CEP128: variants seen among roughly 807,000 people sequenced by gnomAD.
CEP128 encodes centrosomal protein 128, also known as centrosomal protein 128kDa.
CEP128 carries 132 observed loss-of-function variants against 156.7 expected under a neutral mutation model. The observed-to-expected ratio is 0.84, with a 90% CI of 0.73 to 0.97. The LOEUF is 0.97. Among genes scored for constraint, CEP128 ranks in the 50% least tolerant of loss-of-function variants. CEP128 has a pLI of 0.00. For missense variants in CEP128, 1,252 were observed against 1,281.9 expected (o/e 0.98, Z 0.36); for synonymous variants, 469 against 448.9 (o/e 1.04, Z -0.57).
intron 8 of CEP128, among the ~76,000 whole-genome samples, chr14:80,863,268 G>C (rs987958255): frequency 1.3e-5 from 2 of 152,114 alleles, no homozygotes; most frequent in African/African-American, 4.8e-5. Flanking sequence ...GACCTAATTA[G>C]TCCTTTTCTA....
In CEP128 at chr14:80,919,726, AT is replaced by A. The variant is rs1475708728; in HGVS notation, c.-15-3165del. The stretch of plus-strand genomic sequence containing the variant: ...AAAAATTAAGAACAACATAAACTAA[AT>A]TATCTCTAATCGTCATACAATACAA... On this transcript the variant is annotated intron_variant, in intron 2 of 24. Coordinates refer to ENST00000555265, the MANE Select transcript of CEP128 (RefSeq NM_152446.5). Among the ~76,000 whole-genome samples, 4 of 152,308 alleles carry A rather than the reference AT, an allele frequency of 2.6e-5. No individual in the cohort carries two copies. The East Asian group carries it at 7.7e-4, about 29-fold the overall frequency.
chr14:80,791,003 A>C (rs963023000), intron 14 of CEP128, among the ~76,000 whole-genome samples: 2 of 152,174 alleles, frequency 1.3e-5, no homozygotes, highest in African/African-American at 2.4e-5. Flanking sequence ...GAAAATAATT[A>C]GCCCTAAAAA....
chr14:80,505,934 C>G (rs1887951903), intron 23 of CEP128, among the ~76,000 whole-genome samples: 1 of 152,086 alleles, frequency 6.6e-6, no homozygotes, highest in Non-Finnish European at 1.5e-5. Flanking sequence ...AGTCAGAAAG[C>G]CTTCAGGCTT....
chr14:80,884,046 C>G (rs1006784745), intron 8 of CEP128, among the ~76,000 whole-genome samples: 2 of 152,102 alleles, frequency 1.3e-5, no homozygotes, highest in Admixed American at 6.6e-5. Flanking sequence ...AACTAGATCC[C>G]TATCTCTTAA....
At chr14:80,779,869 G>A (rs1307823811) in intron 15 of CEP128, among the ~76,000 whole-genome samples, 1 of 152,050 alleles carries the variant, frequency 6.6e-6, no homozygotes, top group African/African-American at 2.4e-5. Context: ...TGATATAGAA[G>A]GACATTATTC....
intron 13 of CEP128, among the ~76,000 whole-genome samples, chr14:80,805,297 C>T (rs1248222423): frequency 2.0e-5 from 3 of 152,036 alleles, no homozygotes; most frequent in African/African-American, 7.2e-5. Context: ...TTTGGGCATA[C>T]TAGTCATACA....
chr14:80,533,850 A>G (rs1222486088), intron 21 of CEP128, among the ~76,000 whole-genome samples: 1 of 152,148 alleles, frequency 6.6e-6, no homozygotes, highest in Admixed American at 6.5e-5. Flanking sequence ...TTAACAACAA[A>G]TATGTATCTC....
chr14:80,881,729 A>C (rs747939009), intron 8 of CEP128, among the ~76,000 whole-genome samples: 8 of 152,210 alleles, frequency 5.3e-5, no homozygotes, highest in Non-Finnish European at 1.2e-4. Flanking sequence ...CATCAATACC[A>C]AGTGGGATTT....
rs948507592 is a variant in CEP128, at chr14:80,792,972, G to A, written c.1348C>T (p.His450Tyr). 6.2e-7 allele frequency: 1 copy of A among 1,614,168 alleles called. No individual in the cohort carries two copies. The highest frequency in any genetic ancestry group is 8.5e-7 in the Non-Finnish European group (1 of 1,180,020). ...ADLQISELTR[H>Y]AEDATKQAER... The stretch of plus-strand genomic sequence containing the variant: ...GCCTGCTTGGTTGCATCCTCCGCAT[G>A]GCGAGTCAGCTCTGAGATCTGAAGG... Residue 450 changes from histidine (H) to tyrosine (Y), a missense_variant, in exon 14 of 25, where the codon CAT becomes TAT. Transcript: ENST00000555265.
intron 9 of CEP128, among the ~76,000 whole-genome samples, chr14:80,850,041 T>C (rs920954913): frequency 4.6e-5 from 7 of 152,100 alleles, no homozygotes; most frequent in African/African-American, 1.7e-4. Context: ...ATAAATAGTT[T>C]CTTCCATAGA....
intron 16 of CEP128, among the ~76,000 whole-genome samples, chr14:80,768,159 CAAAT>C (rs1019552977): frequency 6.6e-6 from 1 of 152,166 alleles, no homozygotes; most frequent in Non-Finnish European, 1.5e-5. Flanking sequence ...TCTCTGAACT[CAAAT>C]AACTTCTCGT....
chr14:80,555,020 C>G (rs1156864853), intron 21 of CEP128, among the ~76,000 whole-genome samples: 1 of 151,976 alleles, frequency 6.6e-6, no homozygotes, highest in Admixed American at 6.6e-5. Flanking sequence ...CTATTTAGAT[C>G]CTGATATAAA....
At position 80,870,491 on chromosome 14, in the gene CEP128, A is replaced by G. The variant is rs544437460; in HGVS notation, c.646-7618T>C. ...ATTAACAGAATAAAGAATAAAAATCATATGGTCTTCTCCATAGATGCAGAA... is the reference window on the plus strand; with the variant it reads ...ATTAACAGAATAAAGAATAAAAATCGTATGGTCTTCTCCATAGATGCAGAA... On this transcript the variant is annotated intron_variant, in intron 8 of 24. Transcript: ENST00000555265. 1.1e-4 allele frequency among the ~76,000 whole-genome samples: 17 copies of G among 152,248 alleles called. No homozygotes were observed. In the South Asian group the frequency reaches 3.5e-3, roughly 32 times the overall value.
chr14:80,918,760 A>G (rs1314089749), intron 2 of CEP128, among the ~76,000 whole-genome samples: 2 of 152,176 alleles, frequency 1.3e-5, no homozygotes, highest in East Asian at 3.8e-4. Context: ...TCAGCATAAA[A>G]ATATCAAGAA....
At chr14:80,572,192 TG>T (rs1891167617) in intron 20 of CEP128, among the ~76,000 whole-genome samples, 1 of 152,196 alleles carries the variant, frequency 6.6e-6, no homozygotes, top group South Asian at 2.1e-4. Flanking sequence ...GATCCCAGAC[TG>T]GGGAAATCCT....
At chr14:80,508,019 A>G (rs567672974) in intron 23 of CEP128, among the ~76,000 whole-genome samples, 7 of 152,288 alleles carry the variant, frequency 4.6e-5, no homozygotes, top group African/African-American at 1.7e-4. Context: ...GGTTCAAGCG[A>G]TCCTCCTGCC....
At chr14:80,768,653 T>G (rs750645631) in intron 16 of CEP128, among the ~76,000 whole-genome samples, 5 of 152,186 alleles carry the variant, frequency 3.3e-5, no homozygotes, top group Non-Finnish European at 7.4e-5. Context: ...ATCAAAACAC[T>G]GGCTTTAAGA....
chr14:80,565,498 A>C (rs1362165135), intron 20 of CEP128, among the ~76,000 whole-genome samples: 4 of 152,128 alleles, frequency 2.6e-5, no homozygotes, highest in African/African-American at 9.7e-5. Flanking sequence ...TTACTCTTTC[A>C]CCATCACAAT....
intron 4 of CEP128, among the ~76,000 whole-genome samples, chr14:80,908,006 G>A (rs1883987845): frequency 6.6e-6 from 1 of 152,084 alleles, no homozygotes; most frequent in Non-Finnish European, 1.5e-5. Flanking sequence ...CATCTTTCAA[G>A]CTAAACTCAA....
Sources: allele counts gnomAD v4.1 joint callset (sites outside exome capture counted in the v4.1 genomes callset), GRCh38; gene constraint gnomAD v4.1.1; transcripts MANE v1.5; gene names NCBI Gene and HGNC (gene_info 2026-07-23, HGNC 2026-07-21).